The following TTC16 variants were observed in gnomAD, a reference collection of about 807,000 sequenced individuals.
The protein encoded by TTC16 is tetratricopeptide repeat domain 16, also known as tetratricopeptide repeat protein 16.
TTC16 carries 66 observed loss-of-function variants against 80.4 expected under a neutral mutation model. The ratio of observed to expected loss-of-function variants is 0.82; its 90% CI spans 0.67 to 1.01. TTC16 has a LOEUF of 1.01. TTC16 is among the 50% of genes least tolerant of loss of function. The pLI, the probability that TTC16 is intolerant of heterozygous loss-of-function variation, is 0.00. For synonymous variants in TTC16, 438 were observed against 451.3 expected, an observed-to-expected ratio of 0.97 and a Z score of 0.37; for missense variants, 1,070 against 1,103.2, an observed-to-expected ratio of 0.97 and a Z score of 0.43.
In TTC16 at chr9:127,722,194, G is replaced by A. The variant is rs1372290228; in HGVS notation, c.658-925G>A. On this transcript the variant is annotated intron_variant, in intron 6 of 13. Coordinates refer to ENST00000373289, the MANE Select transcript of TTC16 (RefSeq NM_144965.3). This position sits in a 1 kb window ranked among gnomAD's most constrained non-coding sequence, Gnocchi z 4.2. ...CCTGGAGCCCAAGGCTGCTTATGCCGAAGCCCTGCCCCTAGCTCCTGCCAT... is the reference window on the plus strand; with the variant it reads ...CCTGGAGCCCAAGGCTGCTTATGCCAAAGCCCTGCCCCTAGCTCCTGCCAT... Among the ~76,000 whole-genome samples the A allele has an allele frequency of 1.3e-5, 2 of 152,086 alleles. No homozygotes were observed. Among genetic ancestry groups the A allele is most frequent in the Admixed American group, 1.3e-4 (2 of 15,260 alleles).
chr9:127,729,645 C>A lies in TTC16; in HGVS notation c.1829C>A (p.Thr610Asn), dbSNP rs551790000. 4.3e-6 allele frequency: 7 copies of A among 1,613,686 alleles called. No homozygotes were observed. Among genetic ancestry groups the A allele is most frequent in the Non-Finnish European group, 5.9e-6 (7 of 1,179,994 alleles). ...ASLSDSYLDQ[T>N]SSASSMSFRT... ...CTGTCTGACAGCTACCTTGACCAGA[C>A]CTCTTCAGCCTCCAGCATGAGCTGT... Residue 610 changes from threonine (T) to asparagine (N), a missense_variant, in exon 13 of 14, where the codon ACC becomes AAC. Physicochemically the swap from Thr to Asn is moderately conservative, Grantham distance 65. Coordinates refer to ENST00000373289, the MANE Select transcript of TTC16 (RefSeq NM_144965.3).
At chr9:127,727,816 G>A (rs1844104277) in intron 12 of TTC16, 1 of 181,360 alleles carries the variant, frequency 5.5e-6, no homozygotes. Flanking sequence ...CTGGAGTACA[G>A]TGGCACAATC....
rs747986748 is a variant in TTC16, at chr9:127,724,253, G to A, written c.1006G>A (p.Asp336Asn). Residue 336 changes from aspartate to asparagine, a missense_variant, in exon 8 of 14, where the codon GAC (aspartate) becomes AAC (asparagine). Asp to Asn is a conservative substitution (Grantham distance 23). Transcript: ENST00000373289. Reference sequence around the variant, plus strand: ...GCGCCAGCTGTTGCTGACCTACAACGACTTTGCCGTGCACTGCTACAGGCA... The same window carrying A: ...GCGCCAGCTGTTGCTGACCTACAACAACTTTGCCGTGCACTGCTACAGGCA... Reference protein sequence around the residue: ...AQRQLLLTYNDFAVHCYRQGA... With the variant: ...AQRQLLLTYNNFAVHCYRQGA... The A allele has an allele frequency of 2.5e-5, 40 of 1,612,978 alleles. 1 individual carries two copies. In the Admixed American group the frequency reaches 6.2e-4, roughly 25 times the overall value.
intron 13 of TTC16, chr9:127,730,078 GCC>G (rs947752227): frequency 2.2e-5 from 5 of 223,532 alleles, no homozygotes; most frequent in Admixed American, 5.2e-5. Flanking sequence ...CAGGGCCCAG[GCC>G]CCTTCTTCAT....
intron 9 of TTC16, 48 bp from the exon 10 acceptor site, chr9:127,726,191 C>A (rs2131672138): frequency 6.8e-7 from 1 of 1,481,254 alleles, no homozygotes; most frequent in South Asian, 1.4e-5. Flanking sequence ...CCATTTTCCC[C>A]ACAGATGGCC....
chr9:127,731,093 G>C lies in TTC16; in HGVS notation c.2310G>C (p.Gln770His), dbSNP rs1412871697. The stretch of plus-strand genomic sequence containing the variant: ...CCAAGACCACCCGGAGCCCAAGGCA[G>C]AGGCCCAGAAAGGTCAAGGCTGCTC... ...SKTKTTRSPR[Q>H]RPRKVKAARG... The change falls in exon 14 of 14, where the codon CAG (glutamine) becomes CAC (histidine). Residue 770 changes from glutamine (Q) to histidine (H), a missense_variant. Physicochemically the swap from Gln to His is conservative, Grantham distance 24. Transcript: ENST00000373289. 1 of 1,612,140 alleles carries C rather than the reference G, an allele frequency of 6.2e-7. No individual in the cohort carries two copies. The highest frequency in any genetic ancestry group is 1.7e-5 in the Admixed American group (1 of 59,812).
chr9:127,717,931 A>C (rs1391358074), intron 4 of TTC16, among the ~76,000 whole-genome samples, 159 bp downstream of exon 4: 1 of 152,238 alleles, frequency 6.6e-6, no homozygotes, highest in Non-Finnish European at 1.5e-5. Flanking sequence ...GTTTACTGCC[A>C]GGGTTGAGTC....
rs1844372066 is a variant in TTC16, at chr9:127,730,990, C to T, written c.2207C>T (p.Thr736Ile). The change falls in exon 14 of 14, where the codon ACT (threonine) becomes ATT (isoleucine). Residue 736 changes from threonine (T) to isoleucine (I), a missense_variant. Transcript: ENST00000373289. ...GGCCAGGGGCAGAGCTCCAGCAAGA[C>T]TGAGGCCACTCAGGGCCAGAGGCAG... ...TQGQGQSSSK[T>I]EATQGQRQSS... is the part of the protein sequence containing the mutation. 1 of 1,611,892 alleles carries T rather than the reference C, an allele frequency of 6.2e-7. No individual in the cohort carries two copies.
At chr9:127,726,550 G>A (rs1054251342) in intron 10 of TTC16, 146 bp downstream of exon 10, 8 of 1,001,968 alleles carry the variant, frequency 8.0e-6, no homozygotes, top group Non-Finnish European at 1.1e-5. Flanking sequence ...CACTTTGGGA[G>A]CCCAAGGCGG....
chr9:127,731,259 C>A lies in TTC16; in HGVS notation c.2476C>A (p.Gln826Lys). Residue 826 changes from glutamine (Q) to lysine (K), a missense_variant, in exon 14 of 14, where the codon CAG becomes AAG. Transcript: ENST00000373289. ...AACTGAGTATGCCCAAGGCCAGGGC[C>A]AGAGGTCCAGCAAGGCTGAGGGTGC... is the stretch of plus-strand genomic sequence containing the variant. ...SKTEYAQGQGQRSSKAEGAQG... is the reference protein window; with the variant it reads ...SKTEYAQGQGKRSSKAEGAQG... 6.2e-7 allele frequency: 1 copy of A among 1,613,196 alleles called. No individual in the cohort carries two copies. Among genetic ancestry groups the A allele is most frequent in the East Asian group, 2.2e-5 (1 of 44,884 alleles).
intron 13 of TTC16, chr9:127,730,235 G>A (rs1844290707): frequency 4.0e-6 from 1 of 251,538 alleles, no homozygotes; most frequent in South Asian, 6.7e-5. Flanking sequence ...CCACAGCCAG[G>A]AGACAGGGCA....
At position 127,716,909 on chromosome 9, in the gene TTC16, C is replaced by A. The variant is rs562917588; in HGVS notation, c.84C>A (p.Pro28=). 6.2e-7 allele frequency: 1 copy of A among 1,614,070 alleles called. No homozygotes were observed. The highest frequency in any genetic ancestry group is 1.1e-5 in the South Asian group (1 of 91,078). Residue 28 remains proline, a synonymous_variant, in exon 2 of 14, where the codon CCC becomes CCA. Transcript: ENST00000373289. The part of the protein sequence containing the change: ...DIPKPWVIPA[P]KGILQHIFGT... ...CAAAGCCATGGGTGATTCCAGCCCCCAAAGGGATCCTGCAGCACATCTTTG... is the reference window on the plus strand; with the variant it reads ...CAAAGCCATGGGTGATTCCAGCCCCAAAAGGGATCCTGCAGCACATCTTTG...
intron 13 of TTC16, 110 bp downstream of exon 13, chr9:127,729,778 C>T: frequency 4.0e-6 from 4 of 991,276 alleles, no homozygotes; most frequent in Non-Finnish European, 4.6e-6. Context: ...CCGCTGCTGA[C>T]AGCTGGGTGG....
chr9:127,724,895 C>G lies in TTC16; in HGVS notation c.1257C>G (p.Arg419=), dbSNP rs1053916223. The change falls in exon 9 of 14, where the codon CGC becomes CGG. Residue 419 remains arginine (R), a splice_region_variant and synonymous_variant. Coordinates refer to ENST00000373289, the MANE Select transcript of TTC16 (RefSeq NM_144965.3). The part of the protein sequence containing the change: ...QEKMGFCEQR[R]KQFQKAENHF... ...AGATGGGCTTCTGCGAGCAGAGGCG[C>G]AAGTGCGTGGGCTCCCGCCCCCACG... 1 of 1,530,410 alleles carries G rather than the reference C, an allele frequency of 6.5e-7. No homozygotes were observed. Among genetic ancestry groups the G allele is most frequent in the Non-Finnish European group, 8.8e-7 (1 of 1,141,960 alleles). 94.8% of individuals were successfully genotyped at this position (1,530,410 alleles called of 1,614,324 possible).
At position 127,726,327 on chromosome 9, in the gene TTC16, C is replaced by T. The variant is rs767788903; in HGVS notation, c.1348C>T (p.Arg450Trp). ...AQYYLYRAKSRQLLQNIFGAR... is the reference protein window; with the variant it reads ...AQYYLYRAKSWQLLQNIFGAR... ...GTACTACCTGTACCGGGCCAAGAGC[C>T]GGCAGCTGCTGCAGAACATTTTTGG... The change falls in exon 10 of 14, where the codon CGG becomes TGG. Residue 450 changes from arginine (R) to tryptophan (W), a missense_variant. Transcript: ENST00000373289. 27 of 1,612,404 alleles carry T rather than the reference C, an allele frequency of 1.7e-5. No homozygotes were observed. The highest frequency in any genetic ancestry group is 4.4e-5 in the South Asian group (4 of 91,018).
In TTC16 at chr9:127,716,120, C is replaced by T; in HGVS notation, c.-26C>T. 1 of 1,613,972 alleles carries T rather than the reference C, an allele frequency of 6.2e-7. No individual in the cohort carries two copies. Among genetic ancestry groups the T allele is most frequent in the Non-Finnish European group, 8.5e-7 (1 of 1,180,018 alleles). On this transcript the variant is annotated 5_prime_UTR_variant, in exon 1 of 14. Coordinates refer to ENST00000373289, the MANE Select transcript of TTC16 (RefSeq NM_144965.3). ...GGGCCGCGAGGTAGTTGGCAGAGGC[C>T]TCGGGGTCCTCCTGGAAGGGGCCTC...
rs753376961 is a variant in TTC16, at chr9:127,724,373, C to T, written c.1117+9C>T. On this transcript the variant is annotated intron_variant, in intron 8 of 13. Transcript: ENST00000373289. ...CTACATCAACCGAGGCGGTGCGCAGCGACCAGGGCACTGGGGAGGGGGGGT... is the reference window on the plus strand; with the variant it reads ...CTACATCAACCGAGGCGGTGCGCAGTGACCAGGGCACTGGGGAGGGGGGGT... 6.2e-7 allele frequency: 1 copy of T among 1,610,450 alleles called. No individual in the cohort carries two copies. The highest frequency in any genetic ancestry group is 8.5e-7 in the Non-Finnish European group (1 of 1,178,756).
chr9:127,730,476 G>A, intron 13 of TTC16, 160 bp from the exon 14 acceptor site: 1 of 1,085,888 alleles, frequency 9.2e-7, no homozygotes, highest in Non-Finnish European at 1.3e-6. Flanking sequence ...CAGGGTCTGG[G>A]TCGCTGGGGG....
At position 127,724,799 on chromosome 9, in the gene TTC16, C is replaced by A; in HGVS notation, c.1161C>A (p.Asp387Glu). The change falls in exon 9 of 14, where the codon GAC becomes GAA. Residue 387 changes from aspartate to glutamate, a missense_variant. Physicochemically the swap from Asp to Glu is conservative, Grantham distance 45. Transcript: ENST00000373289. Reference protein sequence around the residue: ...QLGNLAFAEADYQQALALSPQ... With the variant: ...QLGNLAFAEAEYQQALALSPQ... ...GCAACCTGGCCTTTGCCGAGGCGGA[C>A]TACCAGCAGGCGCTGGCGCTGAGCC... 2 of 1,610,592 alleles carry A rather than the reference C, an allele frequency of 1.2e-6. No homozygotes were observed. Among genetic ancestry groups the A allele is most frequent in the Non-Finnish European group, 1.7e-6 (2 of 1,179,272 alleles).
Sources: gnomAD v4.1 joint callset for allele counts (sites outside exome capture counted in the v4.1 genomes callset) on GRCh38, gnomAD v4.1.1 for gene constraint, Gnocchi (gnomAD v3.1) non-coding constraint, MANE v1.5 for transcripts, NCBI Gene and HGNC (gene_info 2026-07-23, HGNC 2026-07-21) for gene names.